TRIM37: variants seen among roughly 807,000 people sequenced by gnomAD.
TRIM37 encodes the protein E3 ubiquitin-protein ligase TRIM37.
TRIM37 carries 80 observed loss-of-function variants against 129.8 expected under a neutral mutation model. The observed-to-expected ratio is 0.62, with a 90% CI of 0.51 to 0.74. TRIM37 has a LOEUF of 0.74. Among genes scored for constraint, TRIM37 ranks in the 30% least tolerant of loss-of-function variants. The pLI is 0.00. For missense variants in TRIM37, 1,054 were observed against 1,176.5 expected (o/e 0.90, Z 1.52); for synonymous variants, 389 against 387.1 (o/e 1.00, Z -0.06).
At chr17:59,002,427 G>T (rs2033897443) in intron 22 of TRIM37, among the ~76,000 whole-genome samples, 1 of 152,104 alleles carries the variant, frequency 6.6e-6, no homozygotes, top group Non-Finnish European at 1.5e-5. Flanking sequence ...GAGGGACAGG[G>T]TCTTGCTATA....
chr17:58,977,714 T>G (rs914961313), downstream of TRIM37, among the ~76,000 whole-genome samples: 1 of 152,188 alleles, frequency 6.6e-6, no homozygotes, highest in Non-Finnish European at 1.5e-5. Context: ...TCTAGCCTAT[T>G]TGAGGATTAA....
rs776601358 is a variant in TRIM37 at position 59,106,407 on chromosome 17, C to T, written c.21+34G>A. The T allele has an allele frequency of 1.9e-5, 30 of 1,613,354 alleles. No individual in the cohort carries two copies. The South Asian group carries it at 3.0e-4, about 16-fold the overall frequency. ...ATAAAAACCGCTCATCGGGTGGGGG[C>T]GGGGACTAACCACCACCCTCACAAC... On this transcript the variant is annotated intron_variant, in intron 1 of 23. Coordinates refer to ENST00000262294, the MANE Select transcript of TRIM37 (RefSeq NM_015294.6).
intron 24 of TRIM37, among the ~76,000 whole-genome samples, chr17:58,992,350 G>A (rs2032533713): frequency 6.8e-6 from 1 of 146,172 alleles, no homozygotes; most frequent in East Asian, 2.0e-4. Flanking sequence ...TATAAATACA[G>A]AGTACTGTCA....
Position 59,031,978 on chromosome 17 carries a change from C to T in TRIM37, c.1866G>A (p.Leu622=), listed in dbSNP as rs995999165. The T allele has an allele frequency of 3.1e-6, 5 of 1,614,048 alleles. No individual in the cohort carries two copies. In the African/African-American group the frequency reaches 6.7e-5, roughly 22 times the overall value. ...LDIDPLILIH[L]LDLKDRSSIE... ...TACTGCTCCGGTCCTTAAGGTCCAA[C>T]AAATGTATTAAAATTAATGGATCAA... Residue 622 remains leucine (L), a synonymous_variant, in exon 18 of 24, where the codon TTG becomes TTA. Transcript: ENST00000262294.
At chr17:58,983,590 G>T (rs939735563) in intron 24 of TRIM37, 2 of 152,568 alleles carry the variant, frequency 1.3e-5, no homozygotes, top group African/African-American at 4.8e-5. Context: ...TAATGATGGT[G>T]TACCTGGTGA....
chr17:59,061,183 T>C lies in TRIM37; in HGVS notation c.943-75A>G, dbSNP rs1378418989. 8.7e-6 allele frequency: 10 copies of C among 1,147,808 alleles called. No individual in the cohort carries two copies. In the Admixed American group the frequency reaches 1.1e-4, roughly 12 times the overall value. The allele number at this position is 1,147,808 out of a possible 1,614,324, so 71.1% of individuals were successfully genotyped here. ...AACAAAATGCAGATAATATCTGATA[T>C]CTAGATTGAGAAGTACTTCTAAGCC... On this transcript the variant is annotated intron_variant, in intron 11 of 23. Transcript: ENST00000262294.
Position 59,019,268 on chromosome 17 carries a change from A to G in TRIM37, c.2258-1844T>C, listed in dbSNP as rs546221090. ...CAACCCAAATATCCATCAACTAATG[A>G]GTGGATAAACAGTATGTAGTACAGC... On this transcript the variant is annotated intron_variant, in intron 19 of 23. Transcript: ENST00000262294. 3.3e-5 allele frequency among the ~76,000 whole-genome samples: 5 copies of G among 152,386 alleles called. No individual in the cohort carries two copies. The East Asian group carries it at 9.6e-4, about 29-fold the overall frequency.
chr17:59,056,738 A>G (rs2040948193), intron 13 of TRIM37, 137 bp downstream of exon 13: 1 of 445,920 alleles, frequency 2.2e-6, no homozygotes, highest in Non-Finnish European at 3.8e-6. Context: ...AAAAAAAAAA[A>G]AAAAAAAAAG....
downstream of TRIM37, among the ~76,000 whole-genome samples, chr17:58,995,824 C>T (rs544513818): frequency 4.6e-5 from 7 of 151,818 alleles, no homozygotes; most frequent in Admixed American, 2.6e-4. Context: ...AACCCAAGAA[C>T]TCAAGAACTC....
intron 9 of TRIM37, among the ~76,000 whole-genome samples, chr17:59,068,523 A>G (rs1003843114): frequency 1.3e-5 from 2 of 152,236 alleles, no homozygotes; most frequent in African/African-American, 2.4e-5. Context: ...TTCAAAACTG[A>G]AATAGCTGAC....
chr17:59,065,936 G>A (rs1433469138), intron 9 of TRIM37, among the ~76,000 whole-genome samples: 1 of 152,174 alleles, frequency 6.6e-6, no homozygotes, highest in Non-Finnish European at 1.5e-5. Context: ...GTGATTAACT[G>A]TATAGCTACT....
chr17:59,015,464 T>A (rs151030981), intron 21 of TRIM37, 146 bp downstream of exon 21: 3 of 889,860 alleles, frequency 3.4e-6, no homozygotes, highest in Non-Finnish European at 5.3e-6. Context: ...ATTAAAAAAG[T>A]TAAAATTTAG....
chr17:58,972,066 C>A, the TRIM37 span: 1 of 1,460,798 alleles, frequency 6.8e-7, no homozygotes. Context: ...TTATAAATTG[C>A]TTCTCAATAA....
chr17:59,057,496 C>T (rs546839378), intron 12 of TRIM37, among the ~76,000 whole-genome samples: 6 of 152,300 alleles, frequency 3.9e-5, no homozygotes, highest in Non-Finnish European at 7.3e-5. Flanking sequence ...GCGTGAGCCA[C>T]CACACCCGGC....
In TRIM37 at chr17:59,038,621, C is replaced by CTAA. The variant is rs577012967; in HGVS notation, c.1753+3191_1753+3192insTTA. On this transcript the variant is annotated intron_variant, in intron 17 of 23. Coordinates refer to ENST00000262294, the MANE Select transcript of TRIM37 (RefSeq NM_015294.6). ...AATATATAATTCAAAAATGTAAACT[C>CTAA]TTCTTTACCCTAAGTGTATATAAAT... is the stretch of plus-strand genomic sequence containing the variant. Among the ~76,000 whole-genome samples the CTAA allele has an allele frequency of 1.2e-4, 19 of 152,222 alleles. No homozygotes were observed. In the East Asian group the frequency reaches 3.7e-3, roughly 30 times the overall value.
At chr17:59,015,063 C>G (rs1381243751) in intron 21 of TRIM37, among the ~76,000 whole-genome samples, 1 of 142,320 alleles carries the variant, frequency 7.0e-6, no homozygotes, top group African/African-American at 2.6e-5. Flanking sequence ...GGCAACAGAG[C>G]GAGACTCCAT....
intron 1 of TRIM37, 80 bp downstream of exon 1, chr17:59,106,361 G>C: frequency 1.3e-6 from 2 of 1,566,982 alleles, no homozygotes; most frequent in Non-Finnish European, 1.8e-6. Context: ...CTGGAGGGAG[G>C]ACATGGGCAC....
chr17:59,061,578 G>A (rs1162498638), intron 11 of TRIM37, among the ~76,000 whole-genome samples: 1 of 152,008 alleles, frequency 6.6e-6, no homozygotes, highest in East Asian at 1.9e-4. Context: ...TCTAGAGATT[G>A]AGAAGTTGTT....
chr17:59,052,495 T>C (rs1459593935), intron 13 of TRIM37, among the ~76,000 whole-genome samples: 1 of 152,202 alleles, frequency 6.6e-6, no homozygotes, highest in African/African-American at 2.4e-5. Context: ...GCAGTAGATA[T>C]CTAGTTTTAG....
Sources: allele counts gnomAD v4.1 joint callset (sites outside exome capture counted in the v4.1 genomes callset), GRCh38; gene constraint gnomAD v4.1.1; transcripts MANE v1.5; gene names NCBI Gene and HGNC (gene_info 2026-07-23, HGNC 2026-07-21).